The following LRRC1 variants were observed in gnomAD, a reference collection of about 807,000 sequenced individuals.
The protein encoded by LRRC1 is leucine rich repeat containing 1, also known as leucine-rich repeat-containing protein 1.
In LRRC1, 28 loss-of-function variants were observed where a neutral mutation model predicts 69.9. That is an observed-to-expected ratio of 0.40 (90% confidence interval 0.30 to 0.55). LRRC1 has a LOEUF of 0.55. Among genes scored for constraint, LRRC1 ranks in the 20% least tolerant of loss-of-function variants. LRRC1 has a pLI of 0.47. For missense variants in LRRC1, 498 were observed against 609.0 expected (o/e 0.82, Z 1.92); for synonymous variants, 236 against 240.2 (o/e 0.98, Z 0.16).
At chr6:53,865,983 G>A (rs1766691156) in intron 2 of LRRC1, among the ~76,000 whole-genome samples, 1 of 152,026 alleles carries the variant, frequency 6.6e-6, no homozygotes, top group Non-Finnish European at 1.5e-5. Flanking sequence ...GCCTCCCAAA[G>A]TGCTGGGATT....
intron 2 of LRRC1, among the ~76,000 whole-genome samples, chr6:53,854,999 AG>A (rs1370755783): frequency 1.6e-5 from 1 of 60,942 alleles, no homozygotes; most frequent in Non-Finnish European, 3.6e-5. Context: ...TCGACAAGAC[AG>A]GGGGATTTCC....
At chr6:53,914,643 A>G (rs1185424126) in intron 11 of LRRC1, among the ~76,000 whole-genome samples, 2 of 152,188 alleles carry the variant, frequency 1.3e-5, no homozygotes, top group Admixed American at 1.3e-4. Flanking sequence ...ATTTGTTTCC[A>G]TCATTCTGAG....
At position 53,876,308 on chromosome 6, in the gene LRRC1, G is replaced by A. The variant is rs145178165; in HGVS notation, c.278-2685G>A. 2.0e-4 allele frequency among the ~76,000 whole-genome samples: 30 copies of A among 152,180 alleles called. 1 individual carries two copies. Among genetic ancestry groups the A allele is most frequent in the African/African-American group, 4.3e-4 (18 of 41,522 alleles). ...CCCCATGATTCAGTTACCTCCTACCGGGTCCCTCCCACAACACATGGGAAT... is the reference window on the plus strand; with the variant it reads ...CCCCATGATTCAGTTACCTCCTACCAGGTCCCTCCCACAACACATGGGAAT... On this transcript the variant is annotated intron_variant, in intron 2 of 13. Transcript: ENST00000370888.
At chr6:53,816,315 G>A (rs1486559471) in intron 1 of LRRC1, among the ~76,000 whole-genome samples, 3 of 151,816 alleles carry the variant, frequency 2.0e-5, no homozygotes, top group Non-Finnish European at 4.4e-5. Context: ...ATTTAGTCTT[G>A]GACTATAAAA....
At chr6:53,830,383 A>G (rs565383746) in intron 1 of LRRC1, among the ~76,000 whole-genome samples, 21 of 152,314 alleles carry the variant, frequency 1.4e-4, no homozygotes, top group African/African-American at 4.8e-4. Flanking sequence ...TTGGATACTA[A>G]TGGTCTGCCT....
rs537954712 is a variant in LRRC1, at chr6:53,919,600, C to G, written c.1209C>G (p.Asp403Glu). ...TGCTTACATTCCAGACAGACACAGACTACACCACAGGAGAGAAGATTTTAA... is the reference window on the plus strand; with the variant it reads ...TGCTTACATTCCAGACAGACACAGAGTACACCACAGGAGAGAAGATTTTAA... ...QPLLTFQTDT[D>E]YTTGEKILTC... Residue 403 changes from aspartate to glutamate, a missense_variant, in exon 12 of 14, where the codon GAC (aspartate) becomes GAG (glutamate). Asp to Glu is a conservative substitution (Grantham distance 45). Coordinates refer to ENST00000370888, the MANE Select transcript of LRRC1 (RefSeq NM_018214.5). 1.2e-6 allele frequency: 2 copies of G among 1,613,948 alleles called. No homozygotes were observed. The highest frequency in any genetic ancestry group is 1.7e-6 in the Non-Finnish European group (2 of 1,179,936).
chr6:53,796,024 G>A (rs1210943628), intron 1 of LRRC1, among the ~76,000 whole-genome samples: 1 of 152,244 alleles, frequency 6.6e-6, no homozygotes, highest in African/African-American at 2.4e-5. Context: ...GGAGAGCTGG[G>A]CCTGGAGCGC....
chr6:53,920,742 A>T lies in LRRC1; in HGVS notation c.1397A>T (p.Asp466Val). 1 of 1,614,222 alleles carries T rather than the reference A, an allele frequency of 6.2e-7. No individual in the cohort carries two copies. The highest frequency in any genetic ancestry group is 8.5e-7 in the Non-Finnish European group (1 of 1,180,028). Residue 466 changes from aspartate to valine, a missense_variant, in exon 13 of 14, where the codon GAT becomes GTT. Physicochemically the swap from Asp to Val is radical, Grantham distance 152. Coordinates refer to ENST00000370888, the MANE Select transcript of LRRC1 (RefSeq NM_018214.5). ...ATCCGATTTGTGGAGGATGAGAAAG[A>T]TGAAGAAGACAATGAGACGGTATGG... Reference protein sequence around the residue: ...SAIRFVEDEKDEEDNETRTLL... With the variant: ...SAIRFVEDEKVEEDNETRTLL...
At chr6:53,852,292 A>T (rs552208504) in intron 2 of LRRC1, among the ~76,000 whole-genome samples, 1 of 152,244 alleles carries the variant, frequency 6.6e-6, no homozygotes, top group Admixed American at 6.5e-5. Flanking sequence ...AGATGCTGTA[A>T]TTCTATCATC....
At chr6:53,858,126 C>G (rs1318518663) in intron 2 of LRRC1, among the ~76,000 whole-genome samples, 1 of 152,150 alleles carries the variant, frequency 6.6e-6, no homozygotes, top group Non-Finnish European at 1.5e-5. Flanking sequence ...ATGGTTAGGA[C>G]CAGGGTGGTC....
At chr6:53,844,021 A>T (rs1298291765) in intron 2 of LRRC1, among the ~76,000 whole-genome samples, 1 of 152,186 alleles carries the variant, frequency 6.6e-6, no homozygotes, top group East Asian at 1.9e-4. Context: ...GTTGGATGGC[A>T]ACCAGTACAA....
chr6:53,857,045 T>A (rs927712896), intron 2 of LRRC1, among the ~76,000 whole-genome samples: 4 of 152,098 alleles, frequency 2.6e-5, no homozygotes, highest in Non-Finnish European at 4.4e-5. Flanking sequence ...TCTGTGGACA[T>A]GTGGAGGGTG....
chr6:53,903,457 C>A (rs961770184), intron 9 of LRRC1, among the ~76,000 whole-genome samples: 2 of 152,156 alleles, frequency 1.3e-5, no homozygotes, highest in African/African-American at 4.8e-5. Context: ...CTCCTTCCCC[C>A]ACTTTTAGTT....
At chr6:53,812,562 C>T (rs933613396) in intron 1 of LRRC1, among the ~76,000 whole-genome samples, 5 of 151,608 alleles carry the variant, frequency 3.3e-5, no homozygotes, top group African/African-American at 7.3e-5. Context: ...TGGTGGCGGG[C>T]GCCTGTAGTC....
intron 9 of LRRC1, 102 bp downstream of exon 9, chr6:53,902,849 CA>C: frequency 1.4e-6 from 1 of 728,594 alleles, no homozygotes; most frequent in South Asian, 2.3e-5. Flanking sequence ...TATTACATCC[CA>C]AAACGGTCTT....
At position 53,924,047 on chromosome 6, in the gene LRRC1, C is replaced by T. The variant is rs1194307568; in HGVS notation, c.*1254C>T. ...TGTGATAAAAGAGAAATGAAAAGTGCCAGTCACTGTGTGGTGTCTAGGAAA... is the reference window on the plus strand; with the variant it reads ...TGTGATAAAAGAGAAATGAAAAGTGTCAGTCACTGTGTGGTGTCTAGGAAA... On this transcript the variant is annotated 3_prime_UTR_variant, in exon 14 of 14. Coordinates refer to ENST00000370888, the MANE Select transcript of LRRC1 (RefSeq NM_018214.5). 1 of 152,570 alleles carries T rather than the reference C, an allele frequency of 6.6e-6. No homozygotes were observed. The highest frequency in any genetic ancestry group is 6.5e-5 in the Admixed American group (1 of 15,278). The allele number at this position is 152,570 out of a possible 1,614,324, so 9.5% of individuals were successfully genotyped here. A position where few individuals can be genotyped will look rare whatever the true frequency, so the allele number is the denominator to read the frequency against.
intron 2 of LRRC1, among the ~76,000 whole-genome samples, chr6:53,866,006 C>G (rs2127425003): frequency 6.6e-6 from 1 of 152,202 alleles, no homozygotes; most frequent in African/African-American, 2.4e-5. Flanking sequence ...AGGCATGAAC[C>G]ACTGCGCCTG....
At chr6:53,842,012 A>G in intron 1 of LRRC1, 98 bp from the exon 2 acceptor site, 1 of 705,598 alleles carries the variant, frequency 1.4e-6, no homozygotes, top group East Asian at 2.6e-5. Flanking sequence ...TACAACCTTC[A>G]TTAGTTTTTA....
At chr6:53,839,327 A>G (rs1195269958) in intron 1 of LRRC1, among the ~76,000 whole-genome samples, 1 of 151,968 alleles carries the variant, frequency 6.6e-6, no homozygotes, top group East Asian at 1.9e-4. Context: ...TTTTACCAAC[A>G]AAAAAAAGAA....
Sources: allele counts gnomAD v4.1 joint callset (sites outside exome capture counted in the v4.1 genomes callset), GRCh38; gene constraint gnomAD v4.1.1; transcripts MANE v1.5; gene names NCBI Gene and HGNC (gene_info 2026-07-23, HGNC 2026-07-21).